IGSF21: variants seen among roughly 807,000 people sequenced by gnomAD.
IGSF21 encodes immunoglobin superfamily member 21.
Under a neutral mutation model 46.8 loss-of-function variants are expected in IGSF21, and 28 were observed. The ratio of observed to expected loss-of-function variants is 0.60; its 90% CI spans 0.44 to 0.82. The LOEUF is 0.82. Among genes scored for constraint, IGSF21 ranks in the 40% least tolerant of loss-of-function variants. IGSF21 has a pLI of 0.00. For synonymous variants in IGSF21, 284 were observed against 273.6 expected (o/e 1.04, Z -0.38); for missense variants, 624 against 665.5 (o/e 0.94, Z 0.69).
Position 18,109,418 on chromosome 1 carries a change from C to T in IGSF21, c.70+1220C>T, listed in dbSNP as rs765589622. The stretch of plus-strand genomic sequence containing the variant: ...AATAAGGTCTCGACCCCGAGCCCCA[C>T]TGGATGATAGAGGTGGGCATCACCT... On this transcript the variant is annotated intron_variant, in intron 1 of 9. Transcript: ENST00000251296. This position sits in a 1 kb window ranked among gnomAD's most constrained non-coding sequence, Gnocchi z 4.8. 6.6e-6 allele frequency: 1 copy of T among 152,172 alleles called. No individual in the cohort carries two copies. Among genetic ancestry groups the T allele is most frequent in the Non-Finnish European group, 1.5e-5 (1 of 68,050 alleles). 9.4% of individuals were successfully genotyped at this position (152,172 alleles called of 1,614,324 possible).
intron 3 of IGSF21, among the ~76,000 whole-genome samples, chr1:18,321,349 T>C (rs1255819486): frequency 6.6e-6 from 1 of 152,178 alleles, no homozygotes; most frequent in Non-Finnish European, 1.5e-5. Context: ...AAAGAGTTTG[T>C]TTCTGTTCTG....
At chr1:18,323,693 G>A (rs992412360) in intron 3 of IGSF21, among the ~76,000 whole-genome samples, 1 of 152,128 alleles carries the variant, frequency 6.6e-6, no homozygotes, top group African/African-American at 2.4e-5. Context: ...ATCGGCTGGA[G>A]TATTCTGGAA....
chr1:18,266,720 A>C (rs1437143143), intron 2 of IGSF21, among the ~76,000 whole-genome samples: 1 of 152,226 alleles, frequency 6.6e-6, no homozygotes, highest in African/African-American at 2.4e-5. Flanking sequence ...GGAGCAGAGA[A>C]ATAGATGCTG....
intron 1 of IGSF21, among the ~76,000 whole-genome samples, chr1:18,132,411 G>A (rs1236620220): frequency 6.6e-6 from 1 of 152,210 alleles, no homozygotes; most frequent in African/African-American, 2.4e-5. Context: ...CATGGCAAAA[G>A]GCAGCTTTTC....
At position 18,335,887 on chromosome 1, in the gene IGSF21, A is replaced by G. The variant is rs971304886; in HGVS notation, c.424+877A>G. Among the ~76,000 whole-genome samples the G allele has an allele frequency of 6.6e-6, 1 of 152,170 alleles. No individual in the cohort carries two copies. The highest frequency in any genetic ancestry group is 1.5e-5 in the Non-Finnish European group (1 of 68,040). ...CACCCGTGGTGGTTCTGGCTTCCCG[A>G]TGGAGCCACAATGCAGGAGGTGGCA... On this transcript the variant is annotated intron_variant, in intron 4 of 9. Transcript: ENST00000251296. This position sits in a 1 kb window ranked among gnomAD's most constrained non-coding sequence, Gnocchi z 4.8.
At chr1:18,179,741 A>G (rs1054145061) in intron 1 of IGSF21, among the ~76,000 whole-genome samples, 1 of 152,144 alleles carries the variant, frequency 6.6e-6, no homozygotes, top group Non-Finnish European at 1.5e-5. Context: ...GAGCCACCCA[A>G]GGGATGTGAG....
chr1:18,196,121 A>G (rs1316143842), intron 1 of IGSF21, among the ~76,000 whole-genome samples: 1 of 152,132 alleles, frequency 6.6e-6, no homozygotes, highest in Admixed American at 6.5e-5. Context: ...CCTTCTCTTG[A>G]GATTGACAGT....
intron 6 of IGSF21, among the ~76,000 whole-genome samples, chr1:18,370,441 C>A (rs1230596093): frequency 6.6e-6 from 1 of 152,138 alleles, no homozygotes; most frequent in Non-Finnish European, 1.5e-5. Flanking sequence ...CGCACACACA[C>A]AAAAATTAAT....
At chr1:18,187,220 C>CAG (rs10557379) in intron 1 of IGSF21, among the ~76,000 whole-genome samples, 2 of 150,410 alleles carry the variant, frequency 1.3e-5, no homozygotes, top group African/African-American at 4.9e-5. Flanking sequence ...GAGAGAGATA[C>CAG]AGAGAGAGAG....
intron 3 of IGSF21, among the ~76,000 whole-genome samples, chr1:18,320,973 A>G (rs2124593946): frequency 6.6e-6 from 1 of 152,348 alleles, no homozygotes; most frequent in South Asian, 2.1e-4. Context: ...CCACGCGGGT[A>G]GGCCAAGTCA....
Position 18,295,914 on chromosome 1 carries a change from C to T in IGSF21, c.305+3927C>T, listed in dbSNP as rs140482480. On this transcript the variant is annotated intron_variant, in intron 3 of 9. Coordinates refer to ENST00000251296, the MANE Select transcript of IGSF21 (RefSeq NM_032880.5). Reference sequence around the variant, plus strand: ...GCTCAGGAGGACAAAGTACAAGCTCCTCCTTCACCTCGTATGCCCAGCTCT... The same window carrying T: ...GCTCAGGAGGACAAAGTACAAGCTCTTCCTTCACCTCGTATGCCCAGCTCT... Among the ~76,000 whole-genome samples, 309 of 152,340 alleles carry T rather than the reference C, an allele frequency of 2.0e-3. 2 individuals are homozygous for T. Among genetic ancestry groups the T allele is most frequent in the African/African-American group, 7.0e-3 (289 of 41,578 alleles).
At chr1:18,340,915 CCTTCTT>C (rs1400869151) in intron 4 of IGSF21, among the ~76,000 whole-genome samples, 22 of 151,852 alleles carry the variant, frequency 1.4e-4, no homozygotes, top group African/African-American at 5.1e-4. Context: ...TTCTCCTTCT[CCTTCTT>C]TCTTCTTTCC....
At position 18,375,268 on chromosome 1, in the gene IGSF21, G is replaced by T. The variant is rs535427241; in HGVS notation, c.1016-1042G>T. 4.6e-5 allele frequency among the ~76,000 whole-genome samples: 7 copies of T among 152,334 alleles called. No homozygotes were observed. The South Asian group carries it at 1.5e-3, about 32-fold the overall frequency. On this transcript the variant is annotated intron_variant, in intron 6 of 9. Transcript: ENST00000251296. ...TGTTCACCACCATATCCTCAGCTCTGCTCCAAATGGCTGGCTCCATAATTA... is the reference window on the plus strand; with the variant it reads ...TGTTCACCACCATATCCTCAGCTCTTCTCCAAATGGCTGGCTCCATAATTA...
chr1:18,338,900 G>A (rs1209434360), intron 4 of IGSF21, among the ~76,000 whole-genome samples: 1 of 151,832 alleles, frequency 6.6e-6, no homozygotes, highest in African/African-American at 2.4e-5. Flanking sequence ...GCAGGTTAGG[G>A]GGGAGGGAGC....
intron 2 of IGSF21, among the ~76,000 whole-genome samples, chr1:18,236,120 A>C (rs1254181780): frequency 6.8e-6 from 1 of 147,992 alleles, no homozygotes; most frequent in Non-Finnish European, 1.5e-5. Flanking sequence ...TGGTTTGGCT[A>C]TGTCCCCACC....
chr1:18,333,297 C>T (rs2085732839), intron 3 of IGSF21, among the ~76,000 whole-genome samples: 1 of 152,194 alleles, frequency 6.6e-6, no homozygotes, highest in South Asian at 2.1e-4. Flanking sequence ...TAGGCTGGAA[C>T]TCGCATGAAG....
chr1:18,248,795 C>T (rs1028429850), intron 2 of IGSF21, among the ~76,000 whole-genome samples: 2 of 152,110 alleles, frequency 1.3e-5, no homozygotes, highest in South Asian at 2.1e-4. Flanking sequence ...TAGCGTTGAA[C>T]GAGATAGGCA....
chr1:18,370,402 A>C (rs903168053), intron 6 of IGSF21, among the ~76,000 whole-genome samples: 4 of 152,216 alleles, frequency 2.6e-5, no homozygotes, highest in Non-Finnish European at 5.9e-5. Context: ...GAATAGGCAT[A>C]AGGAAAAATT....
In IGSF21 at chr1:18,365,241, G is replaced by A; in HGVS notation, c.559G>A (p.Gly187Arg). The change falls in exon 6 of 10, where the codon GGG becomes AGG. Residue 187 changes from glycine (G) to arginine (R), a missense_variant. By Grantham distance (125) the Gly-to-Arg change is moderately radical. Coordinates refer to ENST00000251296, the MANE Select transcript of IGSF21 (RefSeq NM_032880.5). The surrounding 1 kb of genome is among the most constrained non-coding windows in gnomAD (Gnocchi z 4.8). Reference protein sequence around the residue: ...PAPMVYFKRDGEPIDAVPLSE... With the variant: ...PAPMVYFKRDREPIDAVPLSE... ...ATGGCAGGTTTATTTCAAACGAGATGGGGAACCAATCGACGCAGTGCCCCT... is the reference window on the plus strand; with the variant it reads ...ATGGCAGGTTTATTTCAAACGAGATAGGGAACCAATCGACGCAGTGCCCCT... 6.2e-7 allele frequency: 1 copy of A among 1,603,462 alleles called. No individual in the cohort carries two copies. Among genetic ancestry groups the A allele is most frequent in the Non-Finnish European group, 8.5e-7 (1 of 1,173,406 alleles).
Sources: allele counts gnomAD v4.1 joint callset (sites outside exome capture counted in the v4.1 genomes callset), GRCh38; gene constraint gnomAD v4.1.1; non-coding constraint Gnocchi (gnomAD v3.1); transcripts MANE v1.5; gene names NCBI Gene and HGNC (gene_info 2026-07-23, HGNC 2026-07-21).